The following FAM83F variants were observed in gnomAD, a reference collection of about 807,000 sequenced individuals.
FAM83F encodes protein FAM83F.
FAM83F carries 45 observed loss-of-function variants against 42.9 expected under a neutral mutation model. The observed-to-expected ratio is 1.05, with a 90% CI of 0.83 to 1.35. FAM83F has a LOEUF of 1.35. FAM83F is among the 40% of genes most tolerant of loss of function. FAM83F has a pLI of 0.00. For synonymous variants in FAM83F, 306 were observed against 298.3 expected (o/e 1.03, Z -0.27); for missense variants, 617 against 695.9 (o/e 0.89, Z 1.28).
chr22:40,009,501 T>C (rs2067452048), intron 1 of FAM83F, among the ~76,000 whole-genome samples: 1 of 152,146 alleles, frequency 6.6e-6, no homozygotes, highest in South Asian at 2.1e-4. Context: ...GTTAGGAAGC[T>C]CATCAAAGCA....
intron 2 of FAM83F, 102 bp from the exon 3 acceptor site, chr22:40,019,785 G>A: frequency 7.0e-7 from 1 of 1,433,456 alleles, no homozygotes; most frequent in Non-Finnish European, 9.3e-7. Flanking sequence ...GGAGCCTGCA[G>A]GCAGGGTCCA....
intron 1 of FAM83F, among the ~76,000 whole-genome samples, chr22:40,002,007 G>A (rs1433112914): frequency 6.6e-6 from 1 of 152,222 alleles, no homozygotes; most frequent in African/African-American, 2.4e-5. Flanking sequence ...GTGGTGGGCC[G>A]TGGTTGGTAA....
At position 39,995,179 on chromosome 22, in the gene FAM83F, A is replaced by G; in HGVS notation, c.137A>G (p.Tyr46Cys). ...CTGCTGGGCGGCGGCGAGCAGGCCT[A>G]CCGCGAGCGGCTCAAGGAGGAGCAG... ...EALLGGGEQA[Y>C]RERLKEEQLR... Residue 46 changes from tyrosine (Y) to cysteine (C), a missense_variant, in exon 1 of 5, where the codon TAC (tyrosine) becomes TGC (cysteine). By Grantham distance (194) the Tyr-to-Cys change is radical (BLOSUM62 -2). Coordinates refer to ENST00000333407, the MANE Select transcript of FAM83F (RefSeq NM_138435.4). The surrounding 1 kb of genome is among the most constrained non-coding windows in gnomAD (Gnocchi z 4.6). The G allele has an allele frequency of 2.0e-6, 3 of 1,485,068 alleles. No individual in the cohort carries two copies. Among genetic ancestry groups the G allele is most frequent in the Non-Finnish European group, 2.7e-6 (3 of 1,127,302 alleles). 92.0% of individuals were successfully genotyped at this position (1,485,068 alleles called of 1,614,324 possible).
chr22:40,017,740 T>C (rs2067499824), intron 1 of FAM83F, among the ~76,000 whole-genome samples: 1 of 152,248 alleles, frequency 6.6e-6, no homozygotes, highest in Non-Finnish European at 1.5e-5. Flanking sequence ...TACTGTTTAC[T>C]GAGGACTTAT....
intron 2 of FAM83F, 116 bp from the exon 3 acceptor site, chr22:40,019,771 G>A: frequency 2.9e-6 from 4 of 1,401,018 alleles, no homozygotes; most frequent in Non-Finnish European, 3.8e-6. Context: ...GTCTAGTGAA[G>A]ACAGGAGCCT....
chr22:40,029,595 G>A lies in FAM83F; in HGVS notation c.*30G>A, dbSNP rs564567938. ...CGGGATGGTGGTGGGCAGGACGTGT[G>A]GATGCCTGCCTGCCCTGCCCTGTGC... On this transcript the variant is annotated 3_prime_UTR_variant, in exon 5 of 5. Transcript: ENST00000333407. 2.5e-6 allele frequency: 4 copies of A among 1,606,134 alleles called. No homozygotes were observed. The highest frequency in any genetic ancestry group is 2.6e-6 in the Non-Finnish European group (3 of 1,176,076).
chr22:40,011,430 G>T (rs919090340), intron 1 of FAM83F, among the ~76,000 whole-genome samples: 1 of 152,096 alleles, frequency 6.6e-6, no homozygotes, highest in Non-Finnish European at 1.5e-5. Flanking sequence ...TGATCCGCCC[G>T]CCTCGGCCTC....
chr22:40,023,144 C>G lies in FAM83F; in HGVS notation c.1453+1181C>G, dbSNP rs1294380883. On this transcript the variant is annotated intron_variant, in intron 4 of 4. Coordinates refer to ENST00000333407, the MANE Select transcript of FAM83F (RefSeq NM_138435.4). This position sits in a 1 kb window ranked among gnomAD's most constrained non-coding sequence, Gnocchi z 4.1. ...TTGCCAGGTCCTGCACAGGCACTCT[C>G]TCTCCCCTTCTGCCCCCACAACCAC... Among the ~76,000 whole-genome samples the G allele has an allele frequency of 6.6e-6, 1 of 152,220 alleles. No homozygotes were observed. Among genetic ancestry groups the G allele is most frequent in the Non-Finnish European group, 1.5e-5 (1 of 68,042 alleles).
rs2067660380 is a variant in FAM83F at position 40,043,276 on chromosome 22, G to T, written c.*13711G>T. ...CGGTAAAATGTTAATTACCCAAGAT[G>T]GAATGTGGGCTAGAGTCCAGCGTTG... On this transcript the variant is annotated 3_prime_UTR_variant, in exon 5 of 5. Transcript: ENST00000333407. 6.6e-6 allele frequency: 1 copy of T among 152,184 alleles called. No individual in the cohort carries two copies. Among genetic ancestry groups the T allele is most frequent in the African/African-American group, 2.4e-5 (1 of 41,438 alleles). The allele number at this position is 152,184 out of a possible 1,614,324, so 9.4% of individuals were successfully genotyped here.
rs2067367892 is a variant in FAM83F at position 39,995,276 on chromosome 22, C to A, written c.234C>A (p.Val78=). The A allele has an allele frequency of 6.5e-7, 1 of 1,536,014 alleles. No individual in the cohort carries two copies. Among genetic ancestry groups the A allele is most frequent in the Non-Finnish European group, 8.7e-7 (1 of 1,145,866 alleles). The change falls in exon 1 of 5, where the codon GTC becomes GTA. Residue 78 remains valine (V), a synonymous_variant. Coordinates refer to ENST00000333407, the MANE Select transcript of FAM83F (RefSeq NM_138435.4). This position sits in a 1 kb window ranked among gnomAD's most constrained non-coding sequence, Gnocchi z 4.6. The part of the protein sequence containing the change: ...RAAWSPYEDA[V]PAANARGKSK... The stretch of plus-strand genomic sequence containing the variant: ...CCTGGAGCCCCTACGAGGACGCCGT[C>A]CCCGCCGCCAACGCCCGGGGCAAGA...
At chr22:40,008,575 C>T (rs1234979631) in intron 1 of FAM83F, among the ~76,000 whole-genome samples, 1 of 152,248 alleles carries the variant, frequency 6.6e-6, no homozygotes, top group Non-Finnish European at 1.5e-5. Context: ...ATCCTGCACG[C>T]AGCAGCCTTC....
chr22:39,999,375 T>C (rs2067386499), intron 1 of FAM83F, among the ~76,000 whole-genome samples: 1 of 152,150 alleles, frequency 6.6e-6, no homozygotes, highest in Non-Finnish European at 1.5e-5. Context: ...TTAGAGAACG[T>C]TGCCTTGTGC....
rs962073722 is a variant in FAM83F, at chr22:40,038,574, A to C, written c.*9009A>C. The C allele has an allele frequency of 6.6e-6, 1 of 152,276 alleles. No individual in the cohort carries two copies. The highest frequency in any genetic ancestry group is 2.4e-5 in the African/African-American group (1 of 41,450). The allele number at this position is 152,276 out of a possible 1,614,324, so 9.4% of individuals were successfully genotyped here. ...AAAGGCCAGCGAGTGCTCCTAAGGC[A>C]GGGAGGGGGCTGCCTTCACTATGGG... On this transcript the variant is annotated 3_prime_UTR_variant, in exon 5 of 5. Coordinates refer to ENST00000333407, the MANE Select transcript of FAM83F (RefSeq NM_138435.4).
intron 1 of FAM83F, among the ~76,000 whole-genome samples, 179 bp from the exon 2 acceptor site, chr22:40,018,989 A>G (rs1331032330): frequency 6.6e-6 from 1 of 152,160 alleles, no homozygotes; most frequent in Non-Finnish European, 1.5e-5. Context: ...CCCCAGGCCC[A>G]TCTCCAGGGC....
At chr22:40,014,828 T>C (rs1168049248) in intron 1 of FAM83F, among the ~76,000 whole-genome samples, 1 of 152,114 alleles carries the variant, frequency 6.6e-6, no homozygotes, top group African/African-American at 2.4e-5. Flanking sequence ...TAGGACTGAG[T>C]TCCTTGCTCT....
At chr22:40,001,550 G>T (rs973785030) in intron 1 of FAM83F, among the ~76,000 whole-genome samples, 3 of 152,166 alleles carry the variant, frequency 2.0e-5, no homozygotes, top group Non-Finnish European at 4.4e-5. Context: ...GAGCTGGGTA[G>T]GTAGGAGGAT....
chr22:40,029,714 T>A lies in FAM83F; in HGVS notation c.*149T>A. ...GCCTCCGTCCTGGCCTCAGGGACGC[T>A]GGATCCCAAATGAGAGGGTCCGAAG... On this transcript the variant is annotated 3_prime_UTR_variant, in exon 5 of 5. Coordinates refer to ENST00000333407, the MANE Select transcript of FAM83F (RefSeq NM_138435.4). The A allele has an allele frequency of 8.5e-7, 1 of 1,169,750 alleles. No homozygotes were observed. Among genetic ancestry groups the A allele is most frequent in the Non-Finnish European group, 1.2e-6 (1 of 849,220 alleles). 72.5% of individuals were successfully genotyped at this position (1,169,750 alleles called of 1,614,324 possible).
intron 3 of FAM83F, among the ~76,000 whole-genome samples, chr22:40,020,579 TC>T (rs1569234529): frequency 1.3e-5 from 2 of 152,002 alleles, no homozygotes; most frequent in Non-Finnish European, 2.9e-5. Context: ...GCCAGGCTGG[TC>T]TCGAACTTTT....
Position 40,039,102 on chromosome 22 carries a change from A to G in FAM83F, c.*9537A>G, listed in dbSNP as rs769224385. ...CATTTTCCACTTAGTCCTGCCTGGC[A>G]TAGTATGCAGTTTTTTTAATTTGAG... On this transcript the variant is annotated 3_prime_UTR_variant, in exon 5 of 5. Coordinates refer to ENST00000333407, the MANE Select transcript of FAM83F (RefSeq NM_138435.4). The G allele has an allele frequency of 6.6e-6, 1 of 152,132 alleles. No individual in the cohort carries two copies. Among genetic ancestry groups the G allele is most frequent in the Non-Finnish European group, 1.5e-5 (1 of 68,040 alleles). The allele number at this position is 152,132 out of a possible 1,614,324, so 9.4% of individuals were successfully genotyped here. A position where few individuals can be genotyped will look rare whatever the true frequency, so the allele number is the denominator to read the frequency against.
Sources: gnomAD v4.1 joint callset for allele counts (sites outside exome capture counted in the v4.1 genomes callset) on GRCh38, gnomAD v4.1.1 for gene constraint, Gnocchi (gnomAD v3.1) non-coding constraint, MANE v1.5 for transcripts, NCBI Gene and HGNC (gene_info 2026-07-23, HGNC 2026-07-21) for gene names.